CPB2: variants seen among roughly 807,000 people sequenced by gnomAD.
CPB2 encodes carboxypeptidase B2, also known as carboxypeptidase B-like protein.
Under a neutral mutation model 57.0 loss-of-function variants are expected in CPB2, and 54 were observed. The observed-to-expected ratio is 0.95, with a 90% confidence interval of 0.76 to 1.19. CPB2 has a LOEUF of 1.19. CPB2 is among the 50% of genes most tolerant of loss of function. The probability of loss-of-function intolerance (pLI) is 0.00; values close to 1 mark genes in which losing one functional copy is unlikely to be tolerated. For missense variants in CPB2, 426 were observed against 512.0 expected (o/e 0.83, Z 1.62); for synonymous variants, 189 against 178.1 (o/e 1.06, Z -0.49).
chr13:46,103,854 G>A (rs900228700), intron 1 of CPB2, among the ~76,000 whole-genome samples: 2 of 152,240 alleles, frequency 1.3e-5, no homozygotes, highest in African/African-American at 2.4e-5. Context: ...ATGATTCACC[G>A]ATAAAATACA....
chr13:46,076,679 C>T (rs551013997), intron 5 of CPB2, among the ~76,000 whole-genome samples: 1 of 152,052 alleles, frequency 6.6e-6, no homozygotes, highest in East Asian at 1.9e-4. Flanking sequence ...CAAAGCAATG[C>T]TGAACAGAAT....
At chr13:46,078,756 C>T (rs930351984) in intron 5 of CPB2, 44 bp downstream of exon 5, 3 of 1,207,018 alleles carry the variant, frequency 2.5e-6, no homozygotes, top group Non-Finnish European at 3.7e-6. Flanking sequence ...AGAATTAATC[C>T]CTCCCCTCAC....
intron 1 of CPB2, among the ~76,000 whole-genome samples, chr13:46,102,786 C>T (rs4942478): frequency 0.42 from 63,414 of 151,736 alleles, 13,459 homozygotes; most frequent in East Asian, 0.63. Context: ...ATGTTATTTC[C>T]AGTGAAGGGA....
At chr13:46,068,965 AGC>A (rs1403064449) in intron 6 of CPB2, among the ~76,000 whole-genome samples, 2 of 152,190 alleles carry the variant, frequency 1.3e-5, no homozygotes, top group Non-Finnish European at 2.9e-5. Flanking sequence ...ATATTAGGAG[AGC>A]CTGTTCCTTT....
At chr13:46,061,134 A>G (rs1273063658) in intron 8 of CPB2, among the ~76,000 whole-genome samples, 1 of 151,832 alleles carries the variant, frequency 6.6e-6, no homozygotes, top group Non-Finnish European at 1.5e-5. Context: ...TTGTGAATGT[A>G]CTTAATGCCA....
intron 4 of CPB2, among the ~76,000 whole-genome samples, chr13:46,079,946 G>GT (rs1296461958): frequency 6.6e-6 from 1 of 152,156 alleles, no homozygotes; most frequent in East Asian, 1.9e-4. Context: ...TGTCAGAAAT[G>GT]TAACTGTCAG....
chr13:46,077,898 A>T (rs924242471), intron 5 of CPB2, among the ~76,000 whole-genome samples: 2 of 152,132 alleles, frequency 1.3e-5, no homozygotes, highest in Non-Finnish European at 2.9e-5. Context: ...GATCTCATAG[A>T]GGTAGAGAGT....
intron 3 of CPB2, 137 bp downstream of exon 3, chr13:46,084,082 A>G (rs2045160858): frequency 1.9e-6 from 2 of 1,044,138 alleles, no homozygotes; most frequent in African/African-American, 3.2e-5. Flanking sequence ...TCACCAGTCC[A>G]TTTGGTCCAG....
At chr13:46,092,037 CT>C (rs1027115535) in intron 1 of CPB2, among the ~76,000 whole-genome samples, 4 of 151,910 alleles carry the variant, frequency 2.6e-5, no homozygotes, top group African/African-American at 7.3e-5. Context: ...TGAGCCCCCC[CT>C]TTTTTTTAAC....
intron 4 of CPB2, among the ~76,000 whole-genome samples, chr13:46,080,813 A>G (rs1374791872): frequency 6.6e-6 from 1 of 152,070 alleles, no homozygotes; most frequent in East Asian, 1.9e-4. Context: ...TCTACTAAAA[A>G]TACAAAAAAT....
chr13:46,102,609 T>TC (rs1339147190), intron 1 of CPB2, among the ~76,000 whole-genome samples: 1 of 147,384 alleles, frequency 6.8e-6, no homozygotes, highest in African/African-American at 2.5e-5. Context: ...TTTTTTTTTT[T>TC]AGAAGGGTTG....
intron 4 of CPB2, among the ~76,000 whole-genome samples, 169 bp downstream of exon 4, chr13:46,082,272 G>A (rs2045129822): frequency 6.6e-6 from 1 of 152,104 alleles, no homozygotes; most frequent in Non-Finnish European, 1.5e-5. Context: ...TCTTCTCAGG[G>A]AAGATATCTA....
intron 5 of CPB2, among the ~76,000 whole-genome samples, chr13:46,074,806 T>A (rs1306151395): frequency 6.6e-6 from 1 of 152,168 alleles, no homozygotes; most frequent in Non-Finnish European, 1.5e-5. Context: ...GGGATAAAAC[T>A]GTTCCACCTC....
chr13:46,073,675 G>C (rs1019250679), intron 6 of CPB2, among the ~76,000 whole-genome samples, 198 bp downstream of exon 6: 2 of 149,830 alleles, frequency 1.3e-5, no homozygotes, highest in Non-Finnish European at 3.0e-5. Context: ...TATTTTGGGT[G>C]ATTTAAATGC....
At chr13:46,066,350 A>G (rs891809726) in intron 7 of CPB2, among the ~76,000 whole-genome samples, 4 of 152,200 alleles carry the variant, frequency 2.6e-5, no homozygotes, top group Non-Finnish European at 5.9e-5. Flanking sequence ...ATGTTAAACT[A>G]CAAGATGGTA....
At chr13:46,086,883 T>C (rs979887709) in intron 2 of CPB2, among the ~76,000 whole-genome samples, 22 of 152,310 alleles carry the variant, frequency 1.4e-4, no homozygotes, top group African/African-American at 4.6e-4. Context: ...GCTCTGATCA[T>C]GCACACAGCC....
intron 4 of CPB2, among the ~76,000 whole-genome samples, chr13:46,079,535 C>CAAAAAAAAAAAAAAAAA (rs58164990): frequency 3.6e-5 from 4 of 111,010 alleles, no homozygotes; most frequent in South Asian, 3.0e-4. Flanking sequence ...AAGGAAAAAG[C>CAAAAAAAAAAAAAAAAA]AAAAAAAAAA....
chr13:46,055,006 C>T (rs2044677738), intron 10 of CPB2, among the ~76,000 whole-genome samples: 1 of 151,622 alleles, frequency 6.6e-6, no homozygotes. Context: ...CTGCCTCAGC[C>T]TCCCAAAGTG....
chr13:46,090,567 T>G (rs1188207429), intron 1 of CPB2, among the ~76,000 whole-genome samples: 1 of 151,724 alleles, frequency 6.6e-6, no homozygotes. Context: ...TTTCACCATG[T>G]TAGTCAGGCT....
Sources: allele counts gnomAD v4.1 joint callset (sites outside exome capture counted in the v4.1 genomes callset), GRCh38; gene constraint gnomAD v4.1.1; transcripts MANE v1.5; gene names NCBI Gene and HGNC (gene_info 2026-07-23, HGNC 2026-07-21).